TNNI3K: variants seen among roughly 807,000 people sequenced by gnomAD.
TNNI3K encodes the protein serine/threonine-protein kinase TNNI3K.
TNNI3K carries 140 observed loss-of-function variants against 114.5 expected under a neutral mutation model. The ratio of observed to expected loss-of-function variants is 1.22; its 90% CI spans 1.07 to 1.41. The LOEUF is 1.41. TNNI3K is among the 40% of genes most tolerant of loss of function. The pLI is 0.00. For synonymous variants in TNNI3K, 347 were observed against 347.5 expected, an observed-to-expected ratio of 1.00 and a Z score of 0.02; for missense variants, 1,125 against 1,007.6, an observed-to-expected ratio of 1.12 and a Z score of -1.58.
chr1:74,360,218 T>C (rs1661886065), intron 11 of TNNI3K, among the ~76,000 whole-genome samples: 1 of 151,944 alleles, frequency 6.6e-6, no homozygotes, highest in Non-Finnish European at 1.5e-5. Context: ...AACTGTAGAC[T>C]GAGAGATATA....
At chr1:74,443,433 T>C (rs1044247174) in intron 20 of TNNI3K, among the ~76,000 whole-genome samples, 1 of 151,840 alleles carries the variant, frequency 6.6e-6, no homozygotes, top group African/African-American at 2.4e-5. Context: ...TACCTGGATA[T>C]GTACACCCCC....
intron 21 of TNNI3K, among the ~76,000 whole-genome samples, chr1:74,479,450 G>A (rs1668367112): frequency 6.6e-6 from 1 of 152,094 alleles, no homozygotes; most frequent in South Asian, 2.1e-4. Context: ...ACATAGAGTT[G>A]GACAAACAGA....
chr1:74,282,554 C>A (rs998889497), intron 5 of TNNI3K, among the ~76,000 whole-genome samples: 1 of 151,994 alleles, frequency 6.6e-6, no homozygotes, highest in African/African-American at 2.4e-5. Context: ...AACTTAATTA[C>A]TTCTTCAAAG....
chr1:74,462,697 A>T (rs1667502062), intron 20 of TNNI3K, among the ~76,000 whole-genome samples: 1 of 152,174 alleles, frequency 6.6e-6, no homozygotes, highest in Admixed American at 6.6e-5. Context: ...CTTGGTTTCT[A>T]AGGGAGTATA....
At chr1:74,299,548 G>A (rs2100316784) in intron 5 of TNNI3K, among the ~76,000 whole-genome samples, 1 of 152,134 alleles carries the variant, frequency 6.6e-6, no homozygotes, top group Admixed American at 6.5e-5. Context: ...CAGTATGCCA[G>A]GTATTTTCTA....
chr1:74,491,838 G>A (rs1264767825), intron 22 of TNNI3K, among the ~76,000 whole-genome samples: 1 of 152,126 alleles, frequency 6.6e-6, no homozygotes, highest in Non-Finnish European at 1.5e-5. Context: ...AATCTGAGTT[G>A]GGCCTACTGT....
chr1:74,538,359 G>A (rs1646685183), intron 23 of TNNI3K, among the ~76,000 whole-genome samples: 1 of 151,944 alleles, frequency 6.6e-6, no homozygotes, highest in Admixed American at 6.6e-5. Flanking sequence ...TTGAATGACT[G>A]GGGGGTAGAA....
chr1:74,460,473 A>C (rs1055250003), intron 20 of TNNI3K, among the ~76,000 whole-genome samples: 1 of 152,236 alleles, frequency 6.6e-6, no homozygotes, highest in Admixed American at 6.5e-5. Flanking sequence ...ATAAATAGTT[A>C]TTAATATTTT....
chr1:74,461,959 A>G (rs1667471861), intron 20 of TNNI3K, among the ~76,000 whole-genome samples: 1 of 152,244 alleles, frequency 6.6e-6, no homozygotes, highest in South Asian at 2.1e-4. Context: ...TGTTAATAAC[A>G]TGAGAAAATG....
Position 74,463,507 on chromosome 1 carries a change from C to G in TNNI3K, c.2078C>G (p.Pro693Arg), listed in dbSNP as rs756501807. 3 of 1,614,016 alleles carry G rather than the reference C, an allele frequency of 1.9e-6. No individual in the cohort carries two copies. The highest frequency in any genetic ancestry group is 1.1e-5 in the South Asian group (1 of 91,086). ...CCCATTGGCTATTCCATTCCCAAGC[C>G]CATATCATCTCTGCTGATACGAGGG... is the stretch of plus-strand genomic sequence containing the variant. ...RPPIGYSIPK[P>R]ISSLLIRGWN... is the part of the protein sequence containing the mutation. Residue 693 changes from proline to arginine, a missense_variant, in exon 21 of 25, where the codon CCC (proline) becomes CGC (arginine). Transcript: ENST00000326637.
intron 7 of TNNI3K, among the ~76,000 whole-genome samples, chr1:74,341,195 G>A (rs1332867706): frequency 1.3e-5 from 2 of 152,142 alleles, no homozygotes; most frequent in Admixed American, 6.6e-5. Context: ...ATGTTCAGTT[G>A]TTTTTACTTC....
At chr1:74,277,562 GTATA>G (rs1656758950) in intron 5 of TNNI3K, among the ~76,000 whole-genome samples, 1 of 152,050 alleles carries the variant, frequency 6.6e-6, no homozygotes, top group African/African-American at 2.4e-5. Flanking sequence ...TATAATGTAG[GTATA>G]TGAGCACACA....
At chr1:74,325,498 G>A (rs1659848759) in intron 5 of TNNI3K, among the ~76,000 whole-genome samples, 1 of 152,194 alleles carries the variant, frequency 6.6e-6, no homozygotes, top group South Asian at 2.1e-4. Flanking sequence ...ACTAAGTCCT[G>A]CTTGTGGTAT....
chr1:74,236,238 T>C (rs959675645), intron 2 of TNNI3K, 28 bp downstream of exon 2: 3 of 1,572,566 alleles, frequency 1.9e-6, no homozygotes, highest in Non-Finnish European at 2.6e-6. Flanking sequence ...ATTATTTCTT[T>C]GTATAAGTGT....
intron 17 of TNNI3K, among the ~76,000 whole-genome samples, chr1:74,398,511 T>A (rs1295611719): frequency 2.0e-5 from 3 of 152,158 alleles, no homozygotes; most frequent in Admixed American, 1.3e-4. Context: ...ACCTCTTGGG[T>A]TAAGGCCATT....
At chr1:74,436,573 T>C (rs200493797) in intron 19 of TNNI3K, 47 bp downstream of exon 19, 82 of 1,558,762 alleles carry the variant, frequency 5.3e-5, no homozygotes, top group Non-Finnish European at 6.3e-5. Context: ...AATTAAAATA[T>C]GTAAACTCAG....
intron 5 of TNNI3K, among the ~76,000 whole-genome samples, chr1:74,310,582 A>G (rs2100349901): frequency 6.6e-6 from 1 of 152,314 alleles, no homozygotes; most frequent in East Asian, 1.9e-4. Flanking sequence ...ACAAGCCTAC[A>G]GTAACTAAAA....
At chr1:74,327,897 GA>G (rs1189476733) in intron 5 of TNNI3K, among the ~76,000 whole-genome samples, 1 of 149,338 alleles carries the variant, frequency 6.7e-6, no homozygotes, top group South Asian at 2.1e-4. Flanking sequence ...TTTTTTCTGA[GA>G]AAAAAAATCA....
At chr1:74,501,597 C>T (rs1389700758) in intron 23 of TNNI3K, among the ~76,000 whole-genome samples, 1 of 152,140 alleles carries the variant, frequency 6.6e-6, no homozygotes, top group Non-Finnish European at 1.5e-5. Context: ...TGCCATTCTC[C>T]TGCCTCAGCC....
Sources: allele counts gnomAD v4.1 joint callset (sites outside exome capture counted in the v4.1 genomes callset), GRCh38; gene constraint gnomAD v4.1.1; transcripts MANE v1.5; gene names NCBI Gene and HGNC (gene_info 2026-07-23, HGNC 2026-07-21).